SIDT1: variants seen among roughly 807,000 people sequenced by gnomAD.
SIDT1 encodes SID1 transmembrane family, member 1.
SIDT1 carries 101 observed loss-of-function variants against 107.5 expected under a neutral mutation model. That is an observed-to-expected ratio of 0.94 (90% CI 0.80 to 1.11). The LOEUF is 1.11. SIDT1 is among the 50% of genes least tolerant of loss of function. SIDT1 has a pLI of 0.00. For synonymous variants in SIDT1, 395 were observed against 398.2 expected, an observed-to-expected ratio of 0.99 and a Z score of 0.10; for missense variants, 1,076 against 1,058.2, an observed-to-expected ratio of 1.02 and a Z score of -0.23.
chr3:113,534,879 T>C (rs1937926531), intron 1 of SIDT1, among the ~76,000 whole-genome samples: 1 of 152,200 alleles, frequency 6.6e-6, no homozygotes, highest in Admixed American at 6.5e-5. Flanking sequence ...GCACTTGAGA[T>C]CACCTGGTTG....
At chr3:113,545,662 T>G (rs1042208697) in intron 1 of SIDT1, among the ~76,000 whole-genome samples, 1 of 151,694 alleles carries the variant, frequency 6.6e-6, no homozygotes, top group Non-Finnish European at 1.5e-5. Context: ...TTGGATCACA[T>G]GCAGATCTAC....
chr3:113,537,339 C>G (rs1938292294), intron 1 of SIDT1, among the ~76,000 whole-genome samples: 1 of 152,180 alleles, frequency 6.6e-6, no homozygotes, highest in South Asian at 2.1e-4. Flanking sequence ...TTAAACCAGT[C>G]TCTTGGATCC....
At chr3:113,545,101 C>T (rs560061483) in intron 1 of SIDT1, among the ~76,000 whole-genome samples, 8 of 117,082 alleles carry the variant, frequency 6.8e-5, no homozygotes, top group Non-Finnish European at 9.6e-5. Flanking sequence ...GGCGACAGAG[C>T]GAGAGACTCT....
At chr3:113,605,423 G>A (rs557855961) in intron 14 of SIDT1, among the ~76,000 whole-genome samples, 1 of 152,110 alleles carries the variant, frequency 6.6e-6, no homozygotes, top group Non-Finnish European at 1.5e-5. Flanking sequence ...ACCACACCCA[G>A]CCCATTGCTT....
At chr3:113,576,782 C>T (rs1051454014) in intron 3 of SIDT1, 140 bp from the exon 4 acceptor site, 1 of 830,842 alleles carries the variant, frequency 1.2e-6, no homozygotes, top group Non-Finnish European at 2.0e-6. Flanking sequence ...TTTCACGGAA[C>T]CGGAACTCCC....
intron 1 of SIDT1, among the ~76,000 whole-genome samples, chr3:113,551,583 C>A (rs1940236301): frequency 1.3e-5 from 2 of 152,148 alleles, no homozygotes; most frequent in East Asian, 1.9e-4. Flanking sequence ...TTTGATCATG[C>A]AATTTAAGAC....
intron 3 of SIDT1, among the ~76,000 whole-genome samples, chr3:113,575,767 G>A (rs908897641): frequency 2.0e-5 from 3 of 152,048 alleles, no homozygotes; most frequent in African/African-American, 7.2e-5. Context: ...CCTTTCTAAA[G>A]AAATCATTAC....
chr3:113,584,098 T>C (rs1019272833), intron 7 of SIDT1, among the ~76,000 whole-genome samples: 2 of 152,202 alleles, frequency 1.3e-5, no homozygotes, highest in African/African-American at 4.8e-5. Flanking sequence ...ATTGAAAACA[T>C]AGACCACTAG....
In SIDT1 at chr3:113,619,687, T is replaced by G; in HGVS notation, c.2051T>G (p.Met684Arg). The G allele has an allele frequency of 1.9e-6, 3 of 1,614,104 alleles. No homozygotes were observed. Among genetic ancestry groups the G allele is most frequent in the Non-Finnish European group, 2.5e-6 (3 of 1,179,948 alleles). Residue 684 changes from methionine (M) to arginine (R), a missense_variant, in exon 21 of 25, where the codon ATG (methionine) becomes AGG (arginine). By Grantham distance (91) the Met-to-Arg change is moderately conservative. Transcript: ENST00000264852. ...QCSRPLYMDR[M>R]VLLVVGNLVN... ...TTCTTTCCTCTTTTCCAGGATAGAA[T>G]GGTGTTGCTGGTTGTGGGGAATCTG... is the stretch of plus-strand genomic sequence containing the variant.
chr3:113,588,835 G>A (rs920281209), intron 9 of SIDT1: 2 of 150,268 alleles, frequency 1.3e-5, no homozygotes, highest in African/African-American at 2.4e-5. Flanking sequence ...AAAAACTTCA[G>A]TGGCACACAG....
intron 21 of SIDT1, among the ~76,000 whole-genome samples, chr3:113,622,642 G>A (rs965290240): frequency 6.6e-6 from 1 of 152,144 alleles, no homozygotes; most frequent in Non-Finnish European, 1.5e-5. Flanking sequence ...ATTTGGTAAT[G>A]TGTGTCAAGC....
chr3:113,612,950 A>C (rs936939678), intron 19 of SIDT1, among the ~76,000 whole-genome samples: 6 of 152,246 alleles, frequency 3.9e-5, no homozygotes, highest in Admixed American at 1.3e-4. Flanking sequence ...GCTTATGTGT[A>C]AGAACATCAA....
intron 1 of SIDT1, among the ~76,000 whole-genome samples, chr3:113,551,747 G>A (rs1430207381): frequency 6.6e-6 from 1 of 152,028 alleles, no homozygotes; most frequent in African/African-American, 2.4e-5. Context: ...TTTCTTTAGT[G>A]TTTCAAAGAG....
chr3:113,630,879 ATC>A (rs553406662), downstream of SIDT1, among the ~76,000 whole-genome samples: 507 of 152,140 alleles, frequency 3.3e-3, 3 homozygotes, highest in African/African-American at 0.012. Flanking sequence ...CCAGTCTGGG[ATC>A]TCTCTCCTCC....
At chr3:113,631,759 C>G (rs1947096653), downstream of SIDT1, among the ~76,000 whole-genome samples, 1 of 152,162 alleles carries the variant, frequency 6.6e-6, no homozygotes, top group African/African-American at 2.4e-5. Flanking sequence ...TCAATGAACT[C>G]CAAGGCGGGG....
chr3:113,545,079 C>T (rs924439707), intron 1 of SIDT1, among the ~76,000 whole-genome samples: 1 of 140,836 alleles, frequency 7.1e-6, no homozygotes, highest in Non-Finnish European at 1.5e-5. Context: ...TGCGCCATTG[C>T]ACTCCAGCCC....
In SIDT1 at chr3:113,623,419, G is replaced by A; in HGVS notation, c.2091-8G>A. On this transcript the variant is annotated splice_polypyrimidine_tract_variant and splice_region_variant and intron_variant, in intron 21 of 24. Coordinates refer to ENST00000264852, the MANE Select transcript of SIDT1 (RefSeq NM_017699.3). ...TCACGGCTGCCCACATTTCTCCCAC[G>A]CCTGCAGCGCCCTCTTTGGATTGAT... 2.5e-6 allele frequency: 4 copies of A among 1,600,354 alleles called. No homozygotes were observed. The highest frequency in any genetic ancestry group is 3.4e-6 in the Non-Finnish European group (4 of 1,167,828).
chr3:113,555,376 T>G (rs983347152), intron 1 of SIDT1, among the ~76,000 whole-genome samples: 5 of 152,228 alleles, frequency 3.3e-5, no homozygotes, highest in Admixed American at 2.6e-4. Context: ...ATGTCTACAC[T>G]GCTGATTAAT....
the SIDT1 span, among the ~76,000 whole-genome samples, chr3:113,635,104 A>G: frequency 6.6e-6 from 1 of 152,274 alleles, no homozygotes; most frequent in African/African-American, 2.4e-5. Flanking sequence ...AACGTGCAGC[A>G]TAAAGCATCA....
Sources: allele counts gnomAD v4.1 joint callset (sites outside exome capture counted in the v4.1 genomes callset), GRCh38; gene constraint gnomAD v4.1.1; transcripts MANE v1.5; gene names NCBI Gene and HGNC (gene_info 2026-07-23, HGNC 2026-07-21).